RGS6: variants seen among roughly 807,000 people sequenced by gnomAD.
RGS6 encodes regulator of G-protein signaling 6.
RGS6 carries 30 observed loss-of-function variants against 78.5 expected under a neutral mutation model. That is an observed-to-expected ratio of 0.38 (90% confidence interval 0.29 to 0.52). The LOEUF is 0.52. RGS6 is among the 20% of genes least tolerant of loss of function. The pLI, the probability that RGS6 is intolerant of heterozygous loss-of-function variation, is 0.85. For missense variants in RGS6, 495 were observed against 609.7 expected (o/e 0.81, Z 1.98); for synonymous variants, 206 against 206.0 (o/e 1.00, Z 0.00).
At chr14:71,977,779 G>GT (rs2094215071) in intron 2 of RGS6, among the ~76,000 whole-genome samples, 1 of 151,902 alleles carries the variant, frequency 6.6e-6, no homozygotes, top group African/African-American at 2.4e-5. Context: ...CTTTAAAGTA[G>GT]TTTTTTCCAA....
intron 16 of RGS6, 24 bp downstream of exon 16, chr14:72,536,299 G>T: frequency 6.4e-7 from 1 of 1,574,164 alleles, no homozygotes; most frequent in Non-Finnish European, 8.7e-7. Flanking sequence ...GGGCAGGCTT[G>T]CTCTTAGCAC....
intron 2 of RGS6, among the ~76,000 whole-genome samples, chr14:72,312,188 A>G (rs538880863): frequency 1.3e-5 from 2 of 149,092 alleles, no homozygotes; most frequent in Non-Finnish European, 3.0e-5. Flanking sequence ...AAGCTTCTAC[A>G]TGAATTTATA....
chr14:72,146,444 A>G (rs1021487523), intron 2 of RGS6, among the ~76,000 whole-genome samples: 7 of 152,200 alleles, frequency 4.6e-5, no homozygotes, highest in African/African-American at 1.4e-4. Flanking sequence ...AAAAGTCCAA[A>G]GTCCATAGTC....
downstream of RGS6, among the ~76,000 whole-genome samples, chr14:72,571,230 A>T (rs187250828): frequency 6.6e-6 from 1 of 152,334 alleles, no homozygotes; most frequent in African/African-American, 2.4e-5. Context: ...ACATAAGATT[A>T]TACAGGCTTA....
rs147535300 is a variant in RGS6 at position 71,994,738 on chromosome 14, A to G, written c.84+29863A>G. On this transcript the variant is annotated intron_variant, in intron 2 of 17. Coordinates refer to ENST00000553525, the MANE Select transcript of RGS6 (RefSeq NM_001204424.2). ...GATTGGAATGATGCTGTCAGAAGCC[A>G]AGGAACTACCAGAAGCTAGAAGAGA... Among the ~76,000 whole-genome samples the G allele has an allele frequency of 4.5e-3, 689 of 152,068 alleles. 8 individuals are homozygous for G. Among genetic ancestry groups the G allele is most frequent in the African/African-American group, 0.016 (654 of 41,484 alleles).
chr14:72,081,178 A>G (rs2094806977), intron 2 of RGS6, among the ~76,000 whole-genome samples: 2 of 152,018 alleles, frequency 1.3e-5, no homozygotes, highest in Non-Finnish European at 2.9e-5. Context: ...GTGTGTCTTC[A>G]AGTTCATTCA....
chr14:72,129,718 G>C (rs2096275507), intron 2 of RGS6, among the ~76,000 whole-genome samples: 1 of 152,126 alleles, frequency 6.6e-6, no homozygotes, highest in South Asian at 2.1e-4. Flanking sequence ...GTGGCTCAGG[G>C]CTTCCAAAAA....
the RGS6 span, chr14:72,594,712 C>G: frequency 2.0e-4 from 31 of 152,202 alleles, no homozygotes; most frequent in African/African-American, 7.5e-4. Context: ...ATTGCCAAAC[C>G]TCAGTTGTGT....
intron 2 of RGS6, among the ~76,000 whole-genome samples, chr14:72,061,146 C>A (rs145219620): frequency 6.1e-4 from 93 of 152,306 alleles, no homozygotes; most frequent in South Asian, 1.0e-3. Context: ...AGAGCCAGTG[C>A]ATGATTCATC....
At chr14:72,590,293 C>T in the RGS6 span, among the ~76,000 whole-genome samples, 1 of 152,144 alleles carries the variant, frequency 6.6e-6, no homozygotes, top group South Asian at 2.1e-4. Context: ...AGGTATTTAA[C>T]CAAGAAATAA....
chr14:72,417,438 T>C (rs191566732), intron 3 of RGS6, among the ~76,000 whole-genome samples: 1 of 152,336 alleles, frequency 6.6e-6, no homozygotes, highest in Non-Finnish European at 1.5e-5. Context: ...TTTGGCATTA[T>C]GCTGGGAAGG....
At chr14:72,321,761 CAAAAT>C (rs1015772393) in intron 2 of RGS6, among the ~76,000 whole-genome samples, 3 of 151,804 alleles carry the variant, frequency 2.0e-5, no homozygotes, top group African/African-American at 7.2e-5. Flanking sequence ...GCTTAACAGA[CAAAAT>C]AGACCCAAAA....
intron 2 of RGS6, among the ~76,000 whole-genome samples, chr14:72,207,324 A>C (rs1156395740): frequency 6.6e-6 from 1 of 152,212 alleles, no homozygotes; most frequent in Non-Finnish European, 1.5e-5. Flanking sequence ...ATTTCTAATG[A>C]CTTCAATGTT....
chr14:72,269,896 C>G (rs1437787668), intron 2 of RGS6, among the ~76,000 whole-genome samples: 1 of 152,080 alleles, frequency 6.6e-6, no homozygotes, highest in Admixed American at 6.6e-5. Flanking sequence ...CAAATATGGG[C>G]TTAGTTCCTC....
chr14:72,325,269 G>A (rs1012353502), intron 2 of RGS6, among the ~76,000 whole-genome samples: 3 of 152,122 alleles, frequency 2.0e-5, no homozygotes, highest in Non-Finnish European at 4.4e-5. Context: ...TGTCAGATGG[G>A]TACATTGCAA....
At chr14:72,454,941 A>C (rs2095592025) in intron 4 of RGS6, among the ~76,000 whole-genome samples, 1 of 152,242 alleles carries the variant, frequency 6.6e-6, no homozygotes, top group Non-Finnish European at 1.5e-5. Flanking sequence ...TCCACAATTA[A>C]GATGTTTAAT....
chr14:72,519,236 C>T (rs994138145), intron 15 of RGS6, among the ~76,000 whole-genome samples: 2 of 152,140 alleles, frequency 1.3e-5, no homozygotes, highest in African/African-American at 4.8e-5. Context: ...CAGGAACCAC[C>T]CTAACCAGCA....
At chr14:72,013,759 A>G (rs2086359055) in intron 2 of RGS6, among the ~76,000 whole-genome samples, 1 of 152,004 alleles carries the variant, frequency 6.6e-6, no homozygotes, top group Admixed American at 6.6e-5. Context: ...GCTTTGTGTG[A>G]TGAACCGACA....
chr14:72,161,302 T>G (rs1324818156), intron 2 of RGS6, among the ~76,000 whole-genome samples: 1 of 152,084 alleles, frequency 6.6e-6, no homozygotes, highest in Non-Finnish European at 1.5e-5. Flanking sequence ...GGTTGATGGG[T>G]GCACCAAACC....
Sources: gnomAD v4.1 joint callset for allele counts (sites outside exome capture counted in the v4.1 genomes callset) on GRCh38, gnomAD v4.1.1 for gene constraint, MANE v1.5 for transcripts, NCBI Gene and HGNC (gene_info 2026-07-23, HGNC 2026-07-21) for gene names.